Variants in EFCAB14 observed in about 807,000 individuals in gnomAD.
EFCAB14 encodes EF-hand calcium binding domain 14, also known as EF-hand calcium-binding domain-containing protein 14.
In EFCAB14, 43 loss-of-function variants were observed where a neutral mutation model predicts 56.5. That is an observed-to-expected ratio of 0.76 (90% CI 0.60 to 0.98). EFCAB14 has a LOEUF of 0.98. EFCAB14 is among the 50% of genes least tolerant of loss of function. The probability of loss-of-function intolerance (pLI) is 0.00; values close to 1 mark genes in which losing one functional copy is unlikely to be tolerated. For synonymous variants in EFCAB14, 235 were observed against 212.9 expected (o/e 1.10, Z -0.90); for missense variants, 538 against 580.3 (o/e 0.93, Z 0.75).
Position 46,710,129 on chromosome 1 carries a change from G to T in EFCAB14, c.335-2078C>A, listed in dbSNP as rs987036869. Among the ~76,000 whole-genome samples, 11 of 152,074 alleles carry T rather than the reference G, an allele frequency of 7.2e-5. 1 individual carries two copies. The highest frequency in any genetic ancestry group is 1.0e-4 in the Non-Finnish European group (7 of 68,026). ...AAAATTCAGAATAATTAAAAGAAAT[G>T]AGATATATTTATTCATTTTCCAAAA... On this transcript the variant is annotated intron_variant, in intron 2 of 10. Transcript: ENST00000371933.
intron 4 of EFCAB14, 118 bp downstream of exon 4, chr1:46,696,432 CA>C: frequency 1.1e-6 from 1 of 930,848 alleles, no homozygotes; most frequent in Non-Finnish European, 1.7e-6. Context: ...CCTCTTGGAG[CA>C]GCTGATTTCA....
At chr1:46,686,733 G>T in intron 8 of EFCAB14, 51 bp downstream of exon 8, 1 of 1,563,336 alleles carries the variant, frequency 6.4e-7, no homozygotes, top group South Asian at 1.1e-5. Context: ...CAAAAGCACA[G>T]AGATGCTGCT....
At position 46,678,173 on chromosome 1, in the gene EFCAB14, CA is replaced by C. The variant is rs1367823791; in HGVS notation, c.*287del. 11 of 255,638 alleles carry C rather than the reference CA, an allele frequency of 4.3e-5. No individual in the cohort carries two copies. The South Asian group carries it at 5.4e-4, about 13-fold the overall frequency. The allele number at this position is 255,638 out of a possible 1,614,324, so 15.8% of individuals were successfully genotyped here. Reference sequence around the variant, plus strand: ...TTTAAAAGATAAGGTCTCCTCCCCTCAAAAAAAGGAAAGAGAAAAAAAGAGG... The same window carrying C: ...TTTAAAAGATAAGGTCTCCTCCCCTCAAAAAAGGAAAGAGAAAAAAAGAGG... On this transcript the variant is annotated 3_prime_UTR_variant, in exon 11 of 11. Coordinates refer to ENST00000371933, the MANE Select transcript of EFCAB14 (RefSeq NM_014774.3).
At chr1:46,710,146 T>G (rs1380079396) in intron 2 of EFCAB14, among the ~76,000 whole-genome samples, 4 of 152,240 alleles carry the variant, frequency 2.6e-5, no homozygotes, top group African/African-American at 4.8e-5. Context: ...ATTTATTCAT[T>G]TTCCAAAAAT....
At chr1:46,716,170 A>C in intron 2 of EFCAB14, 125 bp downstream of exon 2, 1 of 1,047,036 alleles carries the variant, frequency 9.6e-7, no homozygotes, top group Non-Finnish European at 1.3e-6. Flanking sequence ...AATCACTTGA[A>C]CCTGGGTGGC....
intron 1 of EFCAB14, 31 bp from the exon 2 acceptor site, chr1:46,716,474 A>G (rs1677396631): frequency 6.2e-7 from 1 of 1,612,594 alleles, no homozygotes; most frequent in African/African-American, 1.3e-5. Context: ...AACCATGAGT[A>G]CAAAAGTGAT....
Position 46,718,140 on chromosome 1 carries a change from C to T in EFCAB14, c.-53G>A. 6.3e-7 allele frequency: 1 copy of T among 1,575,746 alleles called. No homozygotes were observed. Among genetic ancestry groups the T allele is most frequent in the Admixed American group, 1.7e-5 (1 of 57,174 alleles). On this transcript the variant is annotated 5_prime_UTR_variant, in exon 1 of 11. Transcript: ENST00000371933. Reference sequence around the variant, plus strand: ...GACTCCTGAGCTGCCAGGTTCGTACCCGATGCCCAATTCTCTTCCTGCCTT... The same window carrying T: ...GACTCCTGAGCTGCCAGGTTCGTACTCGATGCCCAATTCTCTTCCTGCCTT...
At chr1:46,679,100 G>A (rs914987772) in intron 10 of EFCAB14, among the ~76,000 whole-genome samples, 1 of 152,192 alleles carries the variant, frequency 6.6e-6, no homozygotes, top group Non-Finnish European at 1.5e-5. Flanking sequence ...TTATGTGATA[G>A]GAGCTAGCTC....
chr1:46,714,487 T>C (rs937285487), intron 2 of EFCAB14, among the ~76,000 whole-genome samples: 3 of 149,688 alleles, frequency 2.0e-5, no homozygotes, highest in Non-Finnish European at 3.0e-5. Context: ...TATGCAAACA[T>C]ACCTTTTGGA....
At chr1:46,712,650 G>A (rs1285831155) in intron 2 of EFCAB14, among the ~76,000 whole-genome samples, 1 of 152,060 alleles carries the variant, frequency 6.6e-6, no homozygotes, top group African/African-American at 2.4e-5. Flanking sequence ...CAAGCAGGTG[G>A]TCTTATCCAA....
chr1:46,708,506 G>T (rs1299356979), intron 2 of EFCAB14, among the ~76,000 whole-genome samples: 1 of 152,186 alleles, frequency 6.6e-6, no homozygotes, highest in Non-Finnish European at 1.5e-5. Context: ...CAATTAAGGA[G>T]CTTTTAGATT....
intron 3 of EFCAB14, among the ~76,000 whole-genome samples, chr1:46,706,203 C>G (rs867766495): frequency 1.7e-4 from 26 of 152,156 alleles, no homozygotes; most frequent in African/African-American, 5.6e-4. Context: ...TATGATAAAA[C>G]TGGTTTCATT....
intron 10 of EFCAB14, 91 bp downstream of exon 10, chr1:46,683,209 A>C (rs1676822993): frequency 7.0e-7 from 1 of 1,418,890 alleles, no homozygotes; most frequent in Non-Finnish European, 9.7e-7. Context: ...AATAAATGTT[A>C]GATCATATAT....
In EFCAB14 at chr1:46,678,250, AG is replaced by A. The variant is rs1676727156; in HGVS notation, c.*210del. ...TAAAATGTAAGATCTTACTGGTTGT[AG>A]GAAATCATAGATTTCTGAACATCAT... On this transcript the variant is annotated 3_prime_UTR_variant, in exon 11 of 11. Coordinates refer to ENST00000371933, the MANE Select transcript of EFCAB14 (RefSeq NM_014774.3). The A allele has an allele frequency of 2.3e-6, 1 of 432,364 alleles. No individual in the cohort carries two copies. 26.8% of individuals were successfully genotyped at this position (432,364 alleles called of 1,614,324 possible).
At chr1:46,702,473 A>G (rs992212428) in intron 3 of EFCAB14, among the ~76,000 whole-genome samples, 1 of 152,066 alleles carries the variant, frequency 6.6e-6, no homozygotes, top group Non-Finnish European at 1.5e-5. Context: ...TGAATATTTT[A>G]CTTTTAGTAT....
intron 2 of EFCAB14, among the ~76,000 whole-genome samples, chr1:46,708,995 T>A (rs1350806124): frequency 2.0e-5 from 3 of 151,950 alleles, no homozygotes; most frequent in African/African-American, 7.3e-5. Context: ...TATGCTTCCT[T>A]AAAACTAAAA....
At chr1:46,698,198 T>C (rs144149606) in intron 3 of EFCAB14, among the ~76,000 whole-genome samples, 1 of 152,248 alleles carries the variant, frequency 6.6e-6, no homozygotes, top group African/African-American at 2.4e-5. Context: ...TAAGTAGTAG[T>C]AGCTTGGTCT....
At chr1:46,692,167 G>A (rs1359639856) in intron 4 of EFCAB14, 1 of 385,084 alleles carries the variant, frequency 2.6e-6, no homozygotes, top group African/African-American at 2.1e-5. Context: ...TCCACTTTCT[G>A]TCACAATAAA....
At chr1:46,695,767 C>T (rs1216724097) in intron 4 of EFCAB14, among the ~76,000 whole-genome samples, 1 of 152,158 alleles carries the variant, frequency 6.6e-6, no homozygotes, top group African/African-American at 2.4e-5. Flanking sequence ...GTAGCCTCAA[C>T]CTCCCAGGCT....
Sources: gnomAD v4.1 joint callset for allele counts (sites outside exome capture counted in the v4.1 genomes callset) on GRCh38, gnomAD v4.1.1 for gene constraint, MANE v1.5 for transcripts, NCBI Gene and HGNC (gene_info 2026-07-23, HGNC 2026-07-21) for gene names.